The following ALX4 variants were observed in gnomAD, a reference collection of about 807,000 sequenced individuals.
ALX4 encodes homeobox protein aristaless-like 4.
Under a neutral mutation model 40.6 loss-of-function variants are expected in ALX4, and 22 were observed. The observed-to-expected ratio is 0.54, with a 90% CI of 0.39 to 0.77. The LOEUF is 0.77. ALX4 is among the 30% of genes least tolerant of loss of function. The probability of loss-of-function intolerance (pLI) is 0.00; values close to 1 mark genes in which losing one functional copy is unlikely to be tolerated. For synonymous variants in ALX4, 266 were observed against 240.5 expected, an observed-to-expected ratio of 1.11 and a Z score of -0.98; for missense variants, 556 against 564.8, an observed-to-expected ratio of 0.98 and a Z score of 0.16.
chr11:44,299,745 A>T (rs911152362), intron 1 of ALX4, among the ~76,000 whole-genome samples: 4 of 152,164 alleles, frequency 2.6e-5, no homozygotes, highest in Non-Finnish European at 4.4e-5. Flanking sequence ...AATCAGGATC[A>T]TTCTAGAACA....
intron 1 of ALX4, among the ~76,000 whole-genome samples, chr11:44,291,724 G>A (rs751610250): frequency 4.6e-5 from 7 of 152,018 alleles, no homozygotes; most frequent in Non-Finnish European, 7.4e-5. Context: ...GAATTTCTTA[G>A]CCTGCAGAAG....
intron 2 of ALX4, among the ~76,000 whole-genome samples, chr11:44,269,610 C>T (rs80085288): frequency 0.1 from 15,954 of 152,188 alleles, 914 homozygotes; most frequent in African/African-American, 0.14. Context: ...AGAAACGGAC[C>T]CTCTCCCCAG....
intron 1 of ALX4, among the ~76,000 whole-genome samples, chr11:44,283,258 A>G (rs1197843830): frequency 6.6e-6 from 1 of 152,142 alleles, no homozygotes; most frequent in Non-Finnish European, 1.5e-5. Flanking sequence ...AAAAAAAAAA[A>G]AAAAAAATTT....
intron 1 of ALX4, among the ~76,000 whole-genome samples, chr11:44,308,621 C>G (rs1421562435): frequency 6.6e-6 from 1 of 152,246 alleles, no homozygotes; most frequent in Non-Finnish European, 1.5e-5. Flanking sequence ...TAGAGACGTC[C>G]TTGAGTGTCT....
intron 1 of ALX4, among the ~76,000 whole-genome samples, chr11:44,283,437 G>A (rs192780028): frequency 3.3e-5 from 5 of 152,210 alleles, no homozygotes; most frequent in Admixed American, 2.0e-4. Flanking sequence ...TAGAGAGAAC[G>A]TTCATCATGT....
chr11:44,293,826 G>T (rs1252102536), intron 1 of ALX4, among the ~76,000 whole-genome samples: 1 of 152,262 alleles, frequency 6.6e-6, no homozygotes, highest in African/African-American at 2.4e-5. Flanking sequence ...TTTACCCACA[G>T]GAGCTGCTCC....
At position 44,264,949 on chromosome 11, in the gene ALX4, C is replaced by T. The variant is rs768153687; in HGVS notation, c.1141G>A (p.Glu381Lys). ...TTGCGGTCCGGCTCGCCGTTGAGCT[C>T]GTAGCCATTGAGGCCTGGGCTGAGG... ...ASLSPGLNGYELNGEPDRKTS... is the reference protein window; with the variant it reads ...ASLSPGLNGYKLNGEPDRKTS... The change falls in exon 4 of 4, where the codon GAG becomes AAG. Residue 381 changes from glutamate (E) to lysine (K), a missense_variant. Physicochemically the swap from Glu to Lys is moderately conservative, Grantham distance 56 (BLOSUM62 1). Transcript: ENST00000652299. 8.7e-6 allele frequency: 14 copies of T among 1,613,170 alleles called. No homozygotes were observed. The highest frequency in any genetic ancestry group is 6.7e-5 in the East Asian group (3 of 44,864).
At chr11:44,284,729 C>A (rs1334591659) in intron 1 of ALX4, among the ~76,000 whole-genome samples, 1 of 152,226 alleles carries the variant, frequency 6.6e-6, no homozygotes, top group East Asian at 1.9e-4. Context: ...CTCCTGCGGG[C>A]ACCCTTCCTT....
At chr11:44,287,964 GC>G (rs1439114686) in intron 1 of ALX4, among the ~76,000 whole-genome samples, 1 of 152,198 alleles carries the variant, frequency 6.6e-6, no homozygotes, top group Non-Finnish European at 1.5e-5. Context: ...TCATATGTCT[GC>G]AACTTACTCT....
chr11:44,301,904 G>T (rs182976273), intron 1 of ALX4, among the ~76,000 whole-genome samples: 1 of 152,332 alleles, frequency 6.6e-6, no homozygotes, highest in African/African-American at 2.4e-5. Flanking sequence ...AGAGCTGGTG[G>T]CTTGTCAGAC....
In ALX4 at chr11:44,278,848, G is replaced by A. The variant is rs925297130; in HGVS notation, c.467-3190C>T. ...CCTGGGGAGGGGAGGAGAGGGGGAG[G>A]GTGTGCCTGTGTCAGAGATGGAAGG... is the stretch of plus-strand genomic sequence containing the variant. On this transcript the variant is annotated intron_variant, in intron 1 of 3. Coordinates refer to ENST00000652299, the MANE Select transcript of ALX4 (RefSeq NM_021926.4). Among the ~76,000 whole-genome samples, 11 of 152,140 alleles carry A rather than the reference G, an allele frequency of 7.2e-5. 1 individual carries two copies. Among genetic ancestry groups the A allele is most frequent in the Admixed American group, 3.3e-4 (5 of 15,280 alleles).
intron 1 of ALX4, among the ~76,000 whole-genome samples, chr11:44,280,590 G>A (rs1346529219): frequency 2.0e-5 from 3 of 152,178 alleles, no homozygotes; most frequent in Non-Finnish European, 4.4e-5. Flanking sequence ...CTGAGGCTAT[G>A]GGGTCCAAGA....
intron 1 of ALX4, among the ~76,000 whole-genome samples, chr11:44,280,705 C>G (rs1290796760): frequency 6.6e-6 from 1 of 152,260 alleles, no homozygotes; most frequent in Non-Finnish European, 1.5e-5. Flanking sequence ...GAGAGCAATG[C>G]CTGCTCCACG....
intron 1 of ALX4, among the ~76,000 whole-genome samples, chr11:44,287,358 C>A (rs1160289996): frequency 6.6e-6 from 1 of 152,096 alleles, no homozygotes; most frequent in Non-Finnish European, 1.5e-5. Context: ...AGTACTAGGG[C>A]ATCTATTATG....
At chr11:44,265,973 G>T (rs535891272) in intron 3 of ALX4, among the ~76,000 whole-genome samples, 2 of 134,880 alleles carry the variant, frequency 1.5e-5, no homozygotes, top group South Asian at 5.1e-4. Context: ...ATTAGGGTGT[G>T]GGGGAGACCC....
intron 1 of ALX4, among the ~76,000 whole-genome samples, chr11:44,303,123 C>T (rs1272670087): frequency 6.6e-6 from 1 of 152,186 alleles, no homozygotes; most frequent in African/African-American, 2.4e-5. Context: ...AGCTTCCCAG[C>T]CTTCTCTGTT....
chr11:44,299,274 G>A (rs1956421099), intron 1 of ALX4, among the ~76,000 whole-genome samples: 1 of 152,088 alleles, frequency 6.6e-6, no homozygotes, highest in South Asian at 2.1e-4. Flanking sequence ...CAACCTGACA[G>A]GTGCCGAAAT....
At chr11:44,291,932 C>T (rs559831709) in intron 1 of ALX4, among the ~76,000 whole-genome samples, 31 of 152,186 alleles carry the variant, frequency 2.0e-4, no homozygotes, top group Non-Finnish European at 3.8e-4. Context: ...CATTCTTCTG[C>T]CTCAGCCTCC....
intron 1 of ALX4, among the ~76,000 whole-genome samples, chr11:44,280,052 C>A (rs1328631990): frequency 2.6e-5 from 4 of 152,228 alleles, no homozygotes; most frequent in African/African-American, 9.7e-5. Context: ...AATGAACCAA[C>A]CGCCTCATCC....
Sources: allele counts gnomAD v4.1 joint callset (sites outside exome capture counted in the v4.1 genomes callset), GRCh38; gene constraint gnomAD v4.1.1; transcripts MANE v1.5; gene names NCBI Gene and HGNC (gene_info 2026-07-23, HGNC 2026-07-21).